The following GALNT13 variants were observed in gnomAD, a reference collection of about 807,000 sequenced individuals.
GALNT13 encodes UDP-GalNAc:polypeptide N-acetylgalactosaminyltransferase 13.
Under a neutral mutation model 64.2 loss-of-function variants are expected in GALNT13, and 28 were observed. The ratio of observed to expected loss-of-function variants is 0.44; its 90% CI spans 0.32 to 0.60. GALNT13 has a LOEUF of 0.60. GALNT13 is among the 20% of genes least tolerant of loss of function. The pLI is 0.05. For missense variants in GALNT13, 577 were observed against 669.8 expected, an observed-to-expected ratio of 0.86 and a Z score of 1.53; for synonymous variants, 214 against 224.6, an observed-to-expected ratio of 0.95 and a Z score of 0.42.
the GALNT13 span, among the ~76,000 whole-genome samples, chr2:153,562,056 C>CTCTT: frequency 4.3e-5 from 4 of 92,896 alleles, no homozygotes; most frequent in Admixed American, 3.5e-4. Context: ...CTCTCTCTCT[C>CTCTT]TCTCTGTGTG....
the GALNT13 span, among the ~76,000 whole-genome samples, chr2:153,298,881 T>A: frequency 6.6e-6 from 1 of 152,208 alleles, no homozygotes; most frequent in Non-Finnish European, 1.5e-5. Context: ...AGTATGTTAC[T>A]GGAAGGTAAG....
intron 1 of GALNT13, among the ~76,000 whole-genome samples, chr2:153,897,448 T>A (rs1687960353): frequency 6.6e-6 from 1 of 152,120 alleles, no homozygotes; most frequent in African/African-American, 2.4e-5. Context: ...CTCAAGTGCA[T>A]CATACTTGGA....
intron 9 of GALNT13, among the ~76,000 whole-genome samples, chr2:154,310,702 G>A (rs185180329): frequency 6.6e-6 from 1 of 152,186 alleles, no homozygotes; most frequent in African/African-American, 2.4e-5. Context: ...ATATTTCTGA[G>A]GGATGTGGAA....
the GALNT13 span, among the ~76,000 whole-genome samples, chr2:153,644,206 A>G: frequency 1.3e-5 from 2 of 152,060 alleles, no homozygotes; most frequent in African/African-American, 4.8e-5. Flanking sequence ...TAAGAACAAT[A>G]TTTAAAATAA....
At position 153,961,854 on chromosome 2, in the gene GALNT13, A is replaced by G. The variant is rs532336572; in HGVS notation, c.142+17215A>G. 1.4e-3 allele frequency among the ~76,000 whole-genome samples: 218 copies of G among 152,288 alleles called. 2 individuals carry two copies. Among genetic ancestry groups the G allele is most frequent in the African/African-American group, 4.8e-3 (200 of 41,574 alleles). ...TAGAAATTATTGTAATTAAAGGGCCATGTTGTACAGAGACAACTGGCTATA... is the reference window on the plus strand; with the variant it reads ...TAGAAATTATTGTAATTAAAGGGCCGTGTTGTACAGAGACAACTGGCTATA... On this transcript the variant is annotated intron_variant, in intron 3 of 12. Transcript: ENST00000392825.
the GALNT13 span, among the ~76,000 whole-genome samples, chr2:153,241,623 T>TA: frequency 6.6e-6 from 1 of 151,370 alleles, no homozygotes; most frequent in Non-Finnish European, 1.5e-5. Context: ...GCAAAATGTG[T>TA]AAAAAATTCT....
At chr2:153,121,835 G>A in the GALNT13 span, among the ~76,000 whole-genome samples, 2 of 152,064 alleles carry the variant, frequency 1.3e-5, no homozygotes, top group Admixed American at 1.3e-4. Flanking sequence ...CATTTTTTAC[G>A]ACACTGAAAA....
the GALNT13 span, among the ~76,000 whole-genome samples, chr2:153,259,545 G>C: frequency 4.3e-4 from 66 of 152,224 alleles, no homozygotes; most frequent in African/African-American, 1.5e-3. Flanking sequence ...GAGAGACCTA[G>C]TGGGAGGTAA....
At chr2:153,310,835 GT>G in the GALNT13 span, among the ~76,000 whole-genome samples, 6 of 152,104 alleles carry the variant, frequency 3.9e-5, no homozygotes, top group Admixed American at 6.6e-5. Context: ...AGAATTTTGT[GT>G]TATAAAAAAT....
At chr2:153,749,154 T>G in the GALNT13 span, among the ~76,000 whole-genome samples, 1 of 152,112 alleles carries the variant, frequency 6.6e-6, no homozygotes, top group South Asian at 2.1e-4. Context: ...GTATGGATTT[T>G]TTTCTGAGTT....
the GALNT13 span, among the ~76,000 whole-genome samples, chr2:153,630,805 ATATTTTTTTTT>A: frequency 2.1e-3 from 31 of 14,990 alleles, no homozygotes; most frequent in African/African-American, 7.1e-3. Context: ...ATATATATAT[ATATTTTTTTTT>A]TTTTTTTTAT....
At chr2:154,371,237 C>T (rs1381599272) in intron 9 of GALNT13, among the ~76,000 whole-genome samples, 1 of 152,040 alleles carries the variant, frequency 6.6e-6, no homozygotes, top group Non-Finnish European at 1.5e-5. Flanking sequence ...AACCCCAGAT[C>T]CACCCATGGA....
chr2:154,096,898 A>T (rs1215252555), intron 3 of GALNT13, among the ~76,000 whole-genome samples: 1 of 152,068 alleles, frequency 6.6e-6, no homozygotes, highest in Non-Finnish European at 1.5e-5. Flanking sequence ...CTGTTAATTG[A>T]ATCAGAGAAT....
intron 3 of GALNT13, among the ~76,000 whole-genome samples, chr2:153,986,017 A>G (rs1165290702): frequency 2.0e-5 from 3 of 152,104 alleles, no homozygotes; most frequent in East Asian, 1.9e-4. Flanking sequence ...AAGTGTATCT[A>G]CAAGAAGTAT....
chr2:154,335,212 ATTTTC>A (rs1695372617), intron 9 of GALNT13, among the ~76,000 whole-genome samples: 1 of 148,324 alleles, frequency 6.7e-6, no homozygotes, highest in African/African-American at 2.5e-5. Context: ...GGGGTATAAT[ATTTTC>A]TTCAACTGTT....
At chr2:154,310,268 G>GT (rs1217878471) in intron 9 of GALNT13, among the ~76,000 whole-genome samples, 2 of 151,980 alleles carry the variant, frequency 1.3e-5, no homozygotes, top group Non-Finnish European at 2.9e-5. Context: ...CTGTTTTATT[G>GT]TTTTTTGTTT....
intron 3 of GALNT13, among the ~76,000 whole-genome samples, chr2:154,050,492 G>A (rs1244617857): frequency 6.6e-6 from 1 of 152,108 alleles, no homozygotes; most frequent in African/African-American, 2.4e-5. Context: ...ATCGTTGATA[G>A]CTTGATAAAG....
the GALNT13 span, among the ~76,000 whole-genome samples, chr2:153,143,836 C>A: frequency 6.6e-6 from 1 of 152,020 alleles, no homozygotes; most frequent in Non-Finnish European, 1.5e-5. Context: ...ATTATTTAGA[C>A]ATCAAACACT....
chr2:154,298,787 T>TAG lies in GALNT13; in HGVS notation c.976-2622_976-2621insAG, dbSNP rs1245193481. On this transcript the variant is annotated intron_variant, in intron 8 of 12. Coordinates refer to ENST00000392825, the MANE Select transcript of GALNT13 (RefSeq NM_052917.4). ...TATAAATTATATATTTATTTATATA[T>TAG]TATATTATTTATATATAAATTATAT... 5.0e-3 allele frequency among the ~76,000 whole-genome samples: 591 copies of TAG among 118,570 alleles called. 214 individuals carry two copies. Among genetic ancestry groups the TAG allele is most frequent in the Middle Eastern group, 0.041 (4 of 98 alleles). 77.8% of individuals were successfully genotyped at this position (118,570 alleles called of 152,430 possible).
Sources: gnomAD v4.1 joint callset for allele counts (sites outside exome capture counted in the v4.1 genomes callset) on GRCh38, gnomAD v4.1.1 for gene constraint, MANE v1.5 for transcripts, NCBI Gene and HGNC (gene_info 2026-07-23, HGNC 2026-07-21) for gene names.